The following ADCK1 variants were observed in gnomAD, a reference collection of about 807,000 sequenced individuals.
The protein encoded by ADCK1 is aarF domain containing kinase 1.
ADCK1 carries 41 observed loss-of-function variants against 52.3 expected under a neutral mutation model. That is an observed-to-expected ratio of 0.78 (90% confidence interval 0.61 to 1.02). The LOEUF (loss-of-function observed/expected upper bound fraction) is 1.02, where lower values mean the gene tolerates loss of function less well. ADCK1 is among the 50% of genes least tolerant of loss of function. ADCK1 has a pLI of 0.00. For synonymous variants in ADCK1, 250 were observed against 274.6 expected, an observed-to-expected ratio of 0.91 and a Z score of 0.89; for missense variants, 658 against 679.5, an observed-to-expected ratio of 0.97 and a Z score of 0.35.
chr14:77,904,361 C>A (rs193148161), intron 6 of ADCK1, among the ~76,000 whole-genome samples: 5 of 152,316 alleles, frequency 3.3e-5, no homozygotes, highest in Admixed American at 3.3e-4. Context: ...ATATAACTTA[C>A]CCACAGTCAC....
At chr14:77,897,912 A>AG (rs1566714236) in intron 5 of ADCK1, among the ~76,000 whole-genome samples, 3 of 152,158 alleles carry the variant, frequency 2.0e-5, no homozygotes, top group Admixed American at 6.6e-5. Context: ...TGGAATTCCC[A>AG]GGGGGAATTC....
At chr14:77,844,485 A>G (rs1319070270) in intron 3 of ADCK1, among the ~76,000 whole-genome samples, 2 of 152,076 alleles carry the variant, frequency 1.3e-5, no homozygotes, top group African/African-American at 4.8e-5. Flanking sequence ...CCTTCATCCT[A>G]TCATGTCAGT....
intron 7 of ADCK1, among the ~76,000 whole-genome samples, chr14:77,913,914 C>G (rs1264800863): frequency 6.8e-6 from 1 of 146,892 alleles, no homozygotes; most frequent in Non-Finnish European, 1.5e-5. Flanking sequence ...GTTCAGTCCC[C>G]TGTCCTTGGG....
In ADCK1 at chr14:77,933,580, C is replaced by T. The variant is rs191978166; in HGVS notation, c.*189C>T. 4 of 625,738 alleles carry T rather than the reference C, an allele frequency of 6.4e-6. No individual in the cohort carries two copies. The Admixed American group carries it at 1.2e-4, about 18-fold the overall frequency. The allele number at this position is 625,738 out of a possible 1,614,324, so 38.8% of individuals were successfully genotyped here. A position where few individuals can be genotyped will look rare whatever the true frequency, so the allele number is the denominator to read the frequency against. On this transcript the variant is annotated 3_prime_UTR_variant, in exon 11 of 11. Coordinates refer to ENST00000238561, the MANE Select transcript of ADCK1 (RefSeq NM_020421.4). ...TGGCCCTTGTCTCAGGGCCCACAAG[C>T]TGAACTGTGGCATAGCTCTCTCTTC...
At chr14:77,806,802 T>C (rs978775980) in intron 1 of ADCK1, among the ~76,000 whole-genome samples, 3 of 151,282 alleles carry the variant, frequency 2.0e-5, no homozygotes, top group African/African-American at 7.3e-5. Flanking sequence ...GCAACCTCCT[T>C]CTCCTGGGTT....
intron 1 of ADCK1, among the ~76,000 whole-genome samples, chr14:77,803,293 C>T (rs1425727869): frequency 6.6e-6 from 1 of 152,022 alleles, no homozygotes; most frequent in Non-Finnish European, 1.5e-5. Flanking sequence ...GAACTAGAGA[C>T]CTAAGTGCCT....
At chr14:77,855,940 T>C (rs2082407752) in intron 3 of ADCK1, among the ~76,000 whole-genome samples, 1 of 152,160 alleles carries the variant, frequency 6.6e-6, no homozygotes, top group Admixed American at 6.5e-5. Context: ...TAGTGGCTCA[T>C]GCCTGTAATC....
intron 9 of ADCK1, among the ~76,000 whole-genome samples, chr14:77,928,212 C>G (rs909913350): frequency 7.2e-5 from 11 of 152,098 alleles, no homozygotes; most frequent in Admixed American, 1.3e-4. Context: ...GGGGATGGTG[C>G]TACTTCCTGT....
In ADCK1 at chr14:77,933,395, G is replaced by A; in HGVS notation, c.*4G>A. 1 of 1,613,410 alleles carries A rather than the reference G, an allele frequency of 6.2e-7. No individual in the cohort carries two copies. Among genetic ancestry groups the A allele is most frequent in the African/African-American group, 1.3e-5 (1 of 74,992 alleles). On this transcript the variant is annotated 3_prime_UTR_variant, in exon 11 of 11. Transcript: ENST00000238561. ...GCTGTTCCCTGCTCCACTCTGAGTG[G>A]AATTGCTCTCCCTGCCCCATTCTGG...
intron 3 of ADCK1, among the ~76,000 whole-genome samples, chr14:77,854,731 A>G (rs1468914636): frequency 2.6e-5 from 4 of 151,880 alleles, no homozygotes; most frequent in Admixed American, 6.6e-5. Context: ...TAATTTTTTT[A>G]TATTTTTAGT....
At chr14:77,886,076 G>T (rs1392329078) in intron 4 of ADCK1, among the ~76,000 whole-genome samples, 1 of 152,236 alleles carries the variant, frequency 6.6e-6, no homozygotes, top group Non-Finnish European at 1.5e-5. Context: ...AAGGGGCTTT[G>T]TCCAGGCCTA....
chr14:77,816,302 C>T (rs935116046), intron 1 of ADCK1, among the ~76,000 whole-genome samples: 5 of 152,146 alleles, frequency 3.3e-5, no homozygotes, highest in Non-Finnish European at 5.9e-5. Context: ...TCCCACAGCC[C>T]TTGTTACGGT....
In ADCK1 at chr14:77,897,408, A is replaced by G. The variant is rs540199005; in HGVS notation, c.583-1692A>G. ...GAACTTGGGCACCCATCTCAAATCC[A>G]GGGCCCTGGTGGTGGGGCAGCCTTA... is the stretch of plus-strand genomic sequence containing the variant. On this transcript the variant is annotated intron_variant, in intron 5 of 10. Coordinates refer to ENST00000238561, the MANE Select transcript of ADCK1 (RefSeq NM_020421.4). Among the ~76,000 whole-genome samples, 16 of 152,258 alleles carry G rather than the reference A, an allele frequency of 1.1e-4. No individual in the cohort carries two copies. In the East Asian group the frequency reaches 2.1e-3, roughly 20 times the overall value.
intron 3 of ADCK1, 66 bp from the exon 4 acceptor site, chr14:77,859,010 A>AAGGGAACAAGGTGT: frequency 2.8e-6 from 4 of 1,444,762 alleles, no homozygotes; most frequent in Non-Finnish European, 3.7e-6. Flanking sequence ...CAGGAAGGTG[A>AAGGGAACAAGGTGT]AGGGAACAAG....
chr14:77,800,455 C>A (rs1204332263), intron 1 of ADCK1, among the ~76,000 whole-genome samples: 2 of 152,282 alleles, frequency 1.3e-5, no homozygotes, highest in Non-Finnish European at 2.9e-5. Context: ...CTGTCCACTT[C>A]AGTGGCACAG....
intron 3 of ADCK1, among the ~76,000 whole-genome samples, chr14:77,838,284 G>A (rs1202525994): frequency 1.3e-5 from 2 of 152,182 alleles, no homozygotes; most frequent in African/African-American, 4.8e-5. Context: ...ATAAACTGTT[G>A]ACTGATAACA....
chr14:77,892,016 G>C (rs61990742), intron 5 of ADCK1, among the ~76,000 whole-genome samples: 17,571 of 152,154 alleles, frequency 0.12, 1,281 homozygotes, highest in African/African-American at 0.2. Context: ...GAAACTTAGG[G>C]ACAGAGAGGA....
chr14:77,811,098 A>T (rs1288996818), intron 1 of ADCK1, among the ~76,000 whole-genome samples: 1 of 151,828 alleles, frequency 6.6e-6, no homozygotes, highest in Admixed American at 6.6e-5. Flanking sequence ...AGCAAGGAGA[A>T]AGGGTAGGGT....
At chr14:77,926,167 C>A (rs1340897538) in intron 9 of ADCK1, among the ~76,000 whole-genome samples, 2 of 152,100 alleles carry the variant, frequency 1.3e-5, no homozygotes, top group Non-Finnish European at 2.9e-5. Flanking sequence ...GGGGGTGATA[C>A]CTCCCGAGCT....
Sources: allele counts gnomAD v4.1 joint callset (sites outside exome capture counted in the v4.1 genomes callset), GRCh38; gene constraint gnomAD v4.1.1; transcripts MANE v1.5; gene names NCBI Gene and HGNC (gene_info 2026-07-23, HGNC 2026-07-21).